The following TRIM37 variants were observed in gnomAD, a reference collection of about 807,000 sequenced individuals.
The protein encoded by TRIM37 is tripartite motif containing 37.
A neutral mutation model predicts 129.8 loss-of-function variants in TRIM37; 80 were observed. The observed-to-expected ratio is 0.62, with a 90% confidence interval of 0.51 to 0.74. The LOEUF (loss-of-function observed/expected upper bound fraction) is 0.74, where lower values mean the gene tolerates loss of function less well. TRIM37 is among the 30% of genes least tolerant of loss of function. TRIM37 has a pLI of 0.00. For missense variants in TRIM37, 1,054 were observed against 1,176.5 expected, an observed-to-expected ratio of 0.90 and a Z score of 1.52; for synonymous variants, 389 against 387.1, an observed-to-expected ratio of 1.00 and a Z score of -0.06.
At chr17:59,081,013 A>C (rs1159306636) in intron 6 of TRIM37, 84 bp downstream of exon 6, 2 of 849,480 alleles carry the variant, frequency 2.4e-6, no homozygotes, top group Non-Finnish European at 3.1e-6. Context: ...TGATTTCAAC[A>C]TCTGATTAAC....
At position 59,075,563 on chromosome 17, in the gene TRIM37, C is replaced by CAAAA. The variant is rs34467573; in HGVS notation, c.684+80_684+83dup. On this transcript the variant is annotated intron_variant, in intron 8 of 23. Transcript: ENST00000262294. Reference sequence around the variant, plus strand: ...TGGGCGACAGAGAGAGACTCCATCTCAAAAAAAAAAAAAAAAAAAAACAAC... The same window carrying CAAAA: ...TGGGCGACAGAGAGAGACTCCATCTCAAAAAAAAAAAAAAAAAAAAAAAAACAAC... 1.5e-3 allele frequency: 715 copies of CAAAA among 489,928 alleles called. 1 individual carries two copies. Among genetic ancestry groups the CAAAA allele is most frequent in the Middle Eastern group, 3.4e-3 (5 of 1,476 alleles). 30.3% of individuals were successfully genotyped at this position (489,928 alleles called of 1,614,324 possible). A position where few individuals can be genotyped will look rare whatever the true frequency, so the allele number is the denominator to read the frequency against.
intron 2 of TRIM37, among the ~76,000 whole-genome samples, chr17:59,102,444 A>G (rs775714254): frequency 6.6e-6 from 1 of 152,242 alleles, no homozygotes; most frequent in Non-Finnish European, 1.5e-5. Flanking sequence ...ATCTAGCATC[A>G]GTTTCACTGT....
At chr17:58,996,369 C>A (rs2032996181), downstream of TRIM37, among the ~76,000 whole-genome samples, 1 of 150,806 alleles carries the variant, frequency 6.6e-6, no homozygotes, top group African/African-American at 2.4e-5. Flanking sequence ...ATTTGGGAGG[C>A]TGAAGCAGGA....
chr17:59,064,001 G>A (rs981721101), intron 10 of TRIM37, among the ~76,000 whole-genome samples: 15 of 152,098 alleles, frequency 9.9e-5, no homozygotes, highest in Admixed American at 2.6e-4. Flanking sequence ...GGTGGCACAC[G>A]CTTGTAGTCC....
intron 22 of TRIM37, among the ~76,000 whole-genome samples, chr17:59,008,450 C>G (rs1598855705): frequency 6.6e-6 from 1 of 152,312 alleles, no homozygotes; most frequent in Middle Eastern, 3.4e-3. Flanking sequence ...CAAGCAAATG[C>G]CTTTCTTCAG....
chr17:59,047,032 TAGTTC>T (rs2039886068), intron 16 of TRIM37, among the ~76,000 whole-genome samples: 1 of 151,642 alleles, frequency 6.6e-6, no homozygotes, highest in Non-Finnish European at 1.5e-5. Context: ...CGGGCGCCTG[TAGTTC>T]TAGCTGCTCG....
chr17:59,098,896 T>C (rs1199685824), intron 2 of TRIM37, among the ~76,000 whole-genome samples: 1 of 151,854 alleles, frequency 6.6e-6, no homozygotes, highest in African/African-American at 2.4e-5. Context: ...TAAAAATGGA[T>C]AAATAGGCTA....
chr17:59,047,805 A>C lies in TRIM37; in HGVS notation c.1545T>G (p.Asp515Glu). The C allele has an allele frequency of 6.2e-7, 1 of 1,614,100 alleles. No homozygotes were observed. Among genetic ancestry groups the C allele is most frequent in the Admixed American group, 1.7e-5 (1 of 60,030 alleles). The change falls in exon 16 of 24, where the codon GAT becomes GAG. Residue 515 changes from aspartate to glutamate, a missense_variant. By Grantham distance (45) the Asp-to-Glu change is conservative. This residue lies in a region of TRIM37 where 752 missense variants were observed against 870.8 expected (regional missense o/e 0.86). Coordinates refer to ENST00000262294, the MANE Select transcript of TRIM37 (RefSeq NM_015294.6). ...AAACAAGATCCAGATCCAGATCTCCATCTGAAAGCTCGTGCTAGATCAATG... is the reference window on the plus strand; with the variant it reads ...AAACAAGATCCAGATCCAGATCTCCCTCTGAAAGCTCGTGCTAGATCAATG... ...QNEDYHHELS[D>E]GDLDLDLVYE...
intron 24 of TRIM37, chr17:58,984,733 G>C (rs1293117392): frequency 2.0e-5 from 3 of 152,486 alleles, no homozygotes; most frequent in Non-Finnish European, 4.4e-5. Flanking sequence ...CAAATGGTAT[G>C]GTGTTGAAAA....
Position 59,001,597 on chromosome 17 carries a change from C to G in TRIM37, c.2812+1G>C. The G allele has an allele frequency of 6.2e-7, 1 of 1,614,020 alleles. No homozygotes were observed. The highest frequency in any genetic ancestry group is 1.7e-5 in the Admixed American group (1 of 59,994). On this transcript the variant is annotated splice_donor_variant, in intron 23 of 23. Transcript: ENST00000262294. LOFTEE classifies it high-confidence loss of function. ...GTGTAAAATGACATCATGTGCTGCA[C>G]CTTCATCCGGGGGCTGTGTCATGAC...
downstream of TRIM37, among the ~76,000 whole-genome samples, chr17:58,979,741 G>A (rs1415899881): frequency 2.6e-5 from 4 of 152,208 alleles, no homozygotes; most frequent in Non-Finnish European, 4.4e-5. Flanking sequence ...TCTAAGCTAG[G>A]TAAGGACTTA....
intron 9 of TRIM37, among the ~76,000 whole-genome samples, chr17:59,069,059 G>A (rs1315492986): frequency 6.6e-6 from 1 of 152,046 alleles, no homozygotes; most frequent in Admixed American, 6.6e-5. Flanking sequence ...CTAGTACAAT[G>A]AATGCGGCCA....
Position 59,101,695 on chromosome 17 carries a change from T to TACAC in TRIM37, c.123+2594_123+2597dup, listed in dbSNP as rs927750157. On this transcript the variant is annotated intron_variant, in intron 2 of 23. Transcript: ENST00000262294. ...AAAAAAAAATATATATATATATATA[T>TACAC]ACACACACACACACACACACACACA... Among the ~76,000 whole-genome samples, 78 of 89,634 alleles carry TACAC rather than the reference T, an allele frequency of 8.7e-4. 1 individual carries two copies. The highest frequency in any genetic ancestry group is 1.2e-3 in the Non-Finnish European group (54 of 45,002). 58.8% of individuals were successfully genotyped at this position (89,634 alleles called of 152,430 possible).
chr17:59,011,627 T>C (rs2035265448), intron 22 of TRIM37, among the ~76,000 whole-genome samples: 1 of 152,232 alleles, frequency 6.6e-6, no homozygotes, highest in African/African-American at 2.4e-5. Context: ...AGCCTTGTTC[T>C]AAGCACCTCT....
rs1012150405 is a variant in TRIM37, at chr17:59,001,327, T to C, written c.2812+271A>G. ...TCACAGACTATACAAAAGCAGGTTG[T>C]GGACCCCGTCTCTGCCCAGTAAGTA... On this transcript the variant is annotated intron_variant, in intron 23 of 23. Coordinates refer to ENST00000262294, the MANE Select transcript of TRIM37 (RefSeq NM_015294.6). Among the ~76,000 whole-genome samples, 3 of 151,942 alleles carry C rather than the reference T, an allele frequency of 2.0e-5. No homozygotes were observed. The East Asian group carries it at 5.8e-4, about 29-fold the overall frequency.
intron 17 of TRIM37, among the ~76,000 whole-genome samples, chr17:59,033,599 C>T (rs2038127447): frequency 6.6e-6 from 1 of 151,816 alleles, no homozygotes; most frequent in African/African-American, 2.4e-5. Context: ...CCTGTATTTT[C>T]AGTAGATACG....
intron 16 of TRIM37, among the ~76,000 whole-genome samples, chr17:59,044,117 G>C (rs2039529117): frequency 6.6e-6 from 1 of 152,112 alleles, no homozygotes; most frequent in South Asian, 2.1e-4. Context: ...AACATAGTAA[G>C]GCAACATAGT....
chr17:58,981,316 A>AC (rs1169415535), downstream of TRIM37: 3 of 321,642 alleles, frequency 9.3e-6, no homozygotes, highest in Non-Finnish European at 1.7e-5. Context: ...TAGATACACA[A>AC]CCCCCTTCCC....
At chr17:59,061,629 C>T (rs2041501469) in intron 11 of TRIM37, among the ~76,000 whole-genome samples, 1 of 151,742 alleles carries the variant, frequency 6.6e-6, no homozygotes, top group Admixed American at 6.6e-5. Context: ...AAGATAATTA[C>T]TCCCTCCCTT....
Sources: allele counts gnomAD v4.1 joint callset (sites outside exome capture counted in the v4.1 genomes callset), GRCh38; gene constraint gnomAD v4.1.1; regional missense constraint gnomAD v4.1.1; transcripts MANE v1.5; gene names NCBI Gene and HGNC (gene_info 2026-07-23, HGNC 2026-07-21).